HMCN1: variants seen among roughly 807,000 people sequenced by gnomAD.
HMCN1 encodes hemicentin-1.
Under a neutral mutation model 625.9 loss-of-function variants are expected in HMCN1, and 321 were observed. The ratio of observed to expected loss-of-function variants is 0.51; its 90% CI spans 0.47 to 0.56. HMCN1 has a LOEUF of 0.56. Ranked by LOEUF, HMCN1 falls within the 20% of genes least tolerant of loss-of-function variation. The pLI is 0.00. For missense variants in HMCN1, 6,588 were observed against 6,887.3 expected (o/e 0.96, Z 1.54); for synonymous variants, 2,425 against 2,417.6 (o/e 1.00, Z -0.09).
At chr1:185,989,229 T>TCA (rs1558121889) in intron 20 of HMCN1, among the ~76,000 whole-genome samples, 7 of 151,954 alleles carry the variant, frequency 4.6e-5, no homozygotes, top group Non-Finnish European at 1.0e-4. Flanking sequence ...TCTCCTGACC[T>TCA]TGTGATCTGC....
intron 103 of HMCN1, 92 bp from the exon 104 acceptor site, chr1:186,178,324 G>C (rs913420361): frequency 4.2e-6 from 4 of 947,070 alleles, no homozygotes; most frequent in Middle Eastern, 2.4e-4. Context: ...AATGTCTTCA[G>C]TTTGTTTCAC....
intron 1 of HMCN1, among the ~76,000 whole-genome samples, chr1:185,830,328 G>A (rs760845074): frequency 6.6e-6 from 1 of 152,042 alleles, no homozygotes; most frequent in Non-Finnish European, 1.5e-5. Flanking sequence ...TGCCCGTGCC[G>A]TATGTCCTGA....
chr1:186,137,992 GC>G lies in HMCN1; in HGVS notation c.13924+21del, dbSNP rs756507855. 54 of 1,613,514 alleles carry G rather than the reference GC, an allele frequency of 3.3e-5. No individual in the cohort carries two copies. The East Asian group carries it at 1.2e-3, about 36-fold the overall frequency. On this transcript the variant is annotated intron_variant, in intron 89 of 106. Coordinates refer to ENST00000271588, the MANE Select transcript of HMCN1 (RefSeq NM_031935.3). ...GCCCAGGTGAGAAACCACCAATAAT[GC>G]TAAGATAAACAAAACTTTTCTATCT...
chr1:185,900,691 A>G (rs749580647), intron 4 of HMCN1, among the ~76,000 whole-genome samples: 4 of 151,942 alleles, frequency 2.6e-5, no homozygotes, highest in South Asian at 2.1e-4. Flanking sequence ...ATTTGAATGT[A>G]TACTTCCTAA....
At chr1:185,792,080 A>G (rs1291013519) in intron 1 of HMCN1, among the ~76,000 whole-genome samples, 1 of 152,252 alleles carries the variant, frequency 6.6e-6, no homozygotes, top group East Asian at 1.9e-4. Context: ...TGGAAAAGGA[A>G]AAAGACATGA....
At chr1:185,989,038 C>T (rs574857631) in intron 20 of HMCN1, among the ~76,000 whole-genome samples, 7 of 129,520 alleles carry the variant, frequency 5.4e-5, no homozygotes, top group African/African-American at 9.4e-5. Context: ...GATGGAGTCT[C>T]GCTCTGTCAC....
intron 1 of HMCN1, among the ~76,000 whole-genome samples, chr1:185,811,562 C>T (rs1474561004): frequency 6.6e-6 from 1 of 151,972 alleles, no homozygotes; most frequent in Non-Finnish European, 1.5e-5. Flanking sequence ...CACCACTGTG[C>T]TCCAGCCTGG....
chr1:185,815,249 G>A lies in HMCN1; in HGVS notation c.269-30777G>A, dbSNP rs1341337797. Among the ~76,000 whole-genome samples, 8 of 150,284 alleles carry A rather than the reference G, an allele frequency of 5.3e-5. 1 individual carries two copies. The highest frequency in any genetic ancestry group is 2.0e-4 in the African/African-American group (8 of 39,688). ...CATATTGTTTGACACAGACTGTGAG[G>A]GGTGAAGCATGGACCACTTTAATGT... On this transcript the variant is annotated intron_variant, in intron 1 of 106. Transcript: ENST00000271588.
At chr1:185,890,510 G>A (rs1167236475) in intron 4 of HMCN1, among the ~76,000 whole-genome samples, 2 of 144,726 alleles carry the variant, frequency 1.4e-5, no homozygotes, top group Middle Eastern at 3.4e-3. Flanking sequence ...GGTATGTTGT[G>A]TCTTTGTTCT....
chr1:186,113,322 CAG>C (rs1486719562), intron 72 of HMCN1, among the ~76,000 whole-genome samples: 2 of 152,164 alleles, frequency 1.3e-5, no homozygotes, highest in Non-Finnish European at 2.9e-5. Context: ...ATGTGCCAAA[CAG>C]AGACTGTCAT....
intron 1 of HMCN1, among the ~76,000 whole-genome samples, chr1:185,825,536 T>A (rs1660464699): frequency 6.6e-6 from 1 of 152,208 alleles, no homozygotes; most frequent in African/African-American, 2.4e-5. Context: ...GAAATAATGA[T>A]AATCAATTCT....
At chr1:185,883,515 G>T (rs1274388499) in intron 4 of HMCN1, among the ~76,000 whole-genome samples, 2 of 151,894 alleles carry the variant, frequency 1.3e-5, no homozygotes, top group Non-Finnish European at 2.9e-5. Context: ...TTTTGGTCTA[G>T]ATTTTTAAAT....
intron 36 of HMCN1, among the ~76,000 whole-genome samples, chr1:186,032,746 GAAAAAAAAA>G: frequency 3.9e-5 from 1 of 25,432 alleles, no homozygotes; most frequent in East Asian, 1.3e-3. Flanking sequence ...TAAGTAAAAA[GAAAAAAAAA>G]AAGAAAAAAA....
chr1:185,826,346 A>C (rs1210368090), intron 1 of HMCN1, among the ~76,000 whole-genome samples: 1 of 152,216 alleles, frequency 6.6e-6, no homozygotes, highest in Non-Finnish European at 1.5e-5. Context: ...CAGAAATTTA[A>C]ACAACCATAT....
intron 10 of HMCN1, among the ~76,000 whole-genome samples, chr1:185,929,284 C>T (rs756937456): frequency 1.7e-4 from 26 of 152,082 alleles, no homozygotes; most frequent in African/African-American, 2.4e-4. Context: ...CGCACTAAGA[C>T]GGGCAGAAGT....
intron 1 of HMCN1, among the ~76,000 whole-genome samples, chr1:185,831,083 A>C (rs977397695): frequency 6.6e-6 from 1 of 152,206 alleles, no homozygotes; most frequent in African/African-American, 2.4e-5. Context: ...TATTGACATC[A>C]AAATTTAATA....
intron 15 of HMCN1, among the ~76,000 whole-genome samples, chr1:185,976,467 G>A (rs1361788754): frequency 6.6e-6 from 1 of 152,092 alleles, no homozygotes; most frequent in Non-Finnish European, 1.5e-5. Context: ...ATCAACTCCA[G>A]AATTCCCATG....
At chr1:185,893,335 A>T (rs889861518) in intron 4 of HMCN1, among the ~76,000 whole-genome samples, 11 of 151,984 alleles carry the variant, frequency 7.2e-5, no homozygotes, top group Non-Finnish European at 1.2e-4. Context: ...TGGCTCCTCC[A>T]CTTGGGGAGA....
In HMCN1 at chr1:186,189,864, G is replaced by A. The variant is rs372434876; in HGVS notation, c.16894G>A (p.Ala5632Thr). Residue 5632 changes from alanine (A) to threonine (T), a missense_variant, in exon 107 of 107, where the codon GCC becomes ACC. Ala to Thr is a moderately conservative substitution (Grantham distance 58). Transcript: ENST00000271588. ...TTFIVYIAVS[A>T]YPY Reference sequence around the variant, plus strand: ...ATTCATAGTTTATATAGCTGTGTCCGCCTATCCATACTAAGGAACTCTCCA... The same window carrying A: ...ATTCATAGTTTATATAGCTGTGTCCACCTATCCATACTAAGGAACTCTCCA... 5.2e-5 allele frequency: 84 copies of A among 1,613,306 alleles called. No individual in the cohort carries two copies. The highest frequency in any genetic ancestry group is 3.3e-4 in the Middle Eastern group (2 of 5,998).
Sources: gnomAD v4.1 joint callset for allele counts (sites outside exome capture counted in the v4.1 genomes callset) on GRCh38, gnomAD v4.1.1 for gene constraint, MANE v1.5 for transcripts, NCBI Gene and HGNC (gene_info 2026-07-23, HGNC 2026-07-21) for gene names.